The following CHRNA7 variants were observed in gnomAD, a reference collection of about 807,000 sequenced individuals.
CHRNA7 encodes the protein cholinergic receptor nicotinic alpha 7 subunit.
CHRNA7 carries 17 observed loss-of-function variants against 48.0 expected under a neutral mutation model. That is an observed-to-expected ratio of 0.35 (90% CI 0.24 to 0.53). The LOEUF (loss-of-function observed/expected upper bound fraction) is 0.53. CHRNA7 is among the 20% of genes least tolerant of loss of function. The probability of loss-of-function intolerance (pLI) is 0.92; values close to 1 mark genes in which losing one functional copy is unlikely to be tolerated. For synonymous variants in CHRNA7, 75 were observed against 242.3 expected (o/e 0.31, Z 6.41); for missense variants, 155 against 577.7 (o/e 0.27, Z 7.50).
In CHRNA7 at chr15:32,030,562, G is replaced by A. The variant is rs1050735594; in HGVS notation, c.-33G>A. The A allele has an allele frequency of 2.1e-6, 3 of 1,462,360 alleles. No individual in the cohort carries two copies. Among genetic ancestry groups the A allele is most frequent in the Non-Finnish European group, 2.7e-6 (3 of 1,113,230 alleles). The allele number at this position is 1,462,360 out of a possible 1,614,324, so 90.6% of individuals were successfully genotyped here. Reference sequence around the variant, plus strand: ...GCCCGGGCGACAGCCGAGACGTGGAGCGCGCCGGCTCGCTGCAGCTCCGGG... The same window carrying A: ...GCCCGGGCGACAGCCGAGACGTGGAACGCGCCGGCTCGCTGCAGCTCCGGG... On this transcript the variant is annotated 5_prime_UTR_variant, in exon 1 of 10. Coordinates refer to ENST00000306901, the MANE Select transcript of CHRNA7 (RefSeq NM_000746.6).
chr15:32,119,915 G>A (rs557315603), intron 4 of CHRNA7, among the ~76,000 whole-genome samples: 11 of 152,262 alleles, frequency 7.2e-5, no homozygotes, highest in South Asian at 2.1e-4. Context: ...GTGGACTGTC[G>A]CTGGCTGACT....
chr15:32,052,283 C>A (rs1247239890), intron 2 of CHRNA7, among the ~76,000 whole-genome samples: 1 of 151,534 alleles, frequency 6.6e-6, no homozygotes, highest in Non-Finnish European at 1.5e-5. Flanking sequence ...TCACTGATAG[C>A]AGAACAGAAA....
chr15:32,114,030 A>ATG (rs1555383656), intron 4 of CHRNA7, among the ~76,000 whole-genome samples: 1 of 86,832 alleles, frequency 1.2e-5, no homozygotes, highest in Non-Finnish European at 2.2e-5. Flanking sequence ...ATATATATAT[A>ATG]TATATATATA....
At chr15:32,108,796 C>T (rs1460140904) in intron 3 of CHRNA7, among the ~76,000 whole-genome samples, 1 of 152,198 alleles carries the variant, frequency 6.6e-6, no homozygotes, top group Non-Finnish European at 1.5e-5. Flanking sequence ...CTGCCAGGGC[C>T]ATATGACTTT....
chr15:32,101,209 C>G, intron 2 of CHRNA7, 94 bp from the exon 3 acceptor site: 1 of 1,341,800 alleles, frequency 7.5e-7, no homozygotes, highest in Non-Finnish European at 1.0e-6. Flanking sequence ...CACAACAACG[C>G]TCTCGACAGT....
At chr15:32,104,252 C>T (rs1269942796) in intron 3 of CHRNA7, among the ~76,000 whole-genome samples, 2 of 151,970 alleles carry the variant, frequency 1.3e-5, no homozygotes, top group African/African-American at 4.8e-5. Flanking sequence ...TTGGGTGACA[C>T]ACACGTCACC....
intron 2 of CHRNA7, among the ~76,000 whole-genome samples, chr15:32,056,884 C>A (rs1295803317): frequency 6.6e-6 from 1 of 152,152 alleles, no homozygotes; most frequent in African/African-American, 2.4e-5. Context: ...AAACATTAGG[C>A]AAATTCAATT....
At chr15:32,069,853 G>C (rs2050025550) in intron 2 of CHRNA7, among the ~76,000 whole-genome samples, 2 of 151,788 alleles carry the variant, frequency 1.3e-5, no homozygotes, top group Admixed American at 6.6e-5. Flanking sequence ...TGTGAATATT[G>C]TGTTAGCAAA....
chr15:32,102,777 A>G (rs192261056), intron 3 of CHRNA7: 8 of 152,330 alleles, frequency 5.3e-5, no homozygotes, highest in East Asian at 1.9e-4. Flanking sequence ...GTGTAGTAAC[A>G]TGAGTAGTTG....
chr15:32,122,763 A>T (rs1035343413), intron 4 of CHRNA7, among the ~76,000 whole-genome samples: 6 of 152,082 alleles, frequency 3.9e-5, no homozygotes, highest in African/African-American at 1.4e-4. Context: ...ATATTCATTT[A>T]TGCATGTGCC....
At chr15:32,119,682 T>C (rs1267919622) in intron 4 of CHRNA7, among the ~76,000 whole-genome samples, 2 of 152,124 alleles carry the variant, frequency 1.3e-5, no homozygotes, top group Admixed American at 1.3e-4. Context: ...TAGCAATTGA[T>C]TCCCATCAGG....
intron 2 of CHRNA7, among the ~76,000 whole-genome samples, chr15:32,070,390 T>C (rs2050034414): frequency 6.6e-6 from 1 of 152,122 alleles, no homozygotes; most frequent in African/African-American, 2.4e-5. Flanking sequence ...AAAAGTACTT[T>C]GTCAGATATG....
intron 2 of CHRNA7, among the ~76,000 whole-genome samples, chr15:32,097,333 A>G (rs1439268447): frequency 1.3e-5 from 2 of 152,036 alleles, no homozygotes; most frequent in Non-Finnish European, 2.9e-5. Context: ...TTCCCCCACT[A>G]AATGCATATG....
At chr15:32,113,179 C>A (rs2050791959) in intron 4 of CHRNA7, among the ~76,000 whole-genome samples, 1 of 152,168 alleles carries the variant, frequency 6.6e-6, no homozygotes, top group South Asian at 2.1e-4. Flanking sequence ...AAGGTGTTGT[C>A]AGGACTGGCT....
intron 2 of CHRNA7, among the ~76,000 whole-genome samples, chr15:32,053,861 C>T (rs528215868): frequency 2.0e-5 from 3 of 152,242 alleles, no homozygotes; most frequent in South Asian, 2.1e-4. Flanking sequence ...TGCGTCAGCT[C>T]GTAGGTGTAG....
Position 32,039,049 on chromosome 15 carries a change from T to C in CHRNA7, c.195+8012T>C, listed in dbSNP as rs147455894. Among the ~76,000 whole-genome samples, 280 of 152,316 alleles carry C rather than the reference T, an allele frequency of 1.8e-3. 1 individual carries two copies. The highest frequency in any genetic ancestry group is 6.3e-3 in the African/African-American group (260 of 41,580). On this transcript the variant is annotated intron_variant, in intron 2 of 9. Coordinates refer to ENST00000306901, the MANE Select transcript of CHRNA7 (RefSeq NM_000746.6). ...ATCTAGGTTATAAAATTTGTGAGCA[T>C]AGAATTGTTCATAGTATTTATTTGT...
intron 4 of CHRNA7, among the ~76,000 whole-genome samples, chr15:32,130,329 G>C (rs1404834785): frequency 6.6e-6 from 1 of 151,854 alleles, no homozygotes; most frequent in African/African-American, 2.4e-5. Flanking sequence ...ATTTCCATCA[G>C]TTCTGGGGTC....
intron 1 of CHRNA7, 114 bp downstream of exon 1, chr15:32,030,763 G>A (rs757997853): frequency 6.6e-7 from 1 of 1,505,826 alleles, no homozygotes; most frequent in South Asian, 1.3e-5. Context: ...CCGCCGGGGA[G>A]GGGCAGCGGG....
At chr15:32,066,543 G>A (rs1172344962) in intron 2 of CHRNA7, among the ~76,000 whole-genome samples, 1 of 152,174 alleles carries the variant, frequency 6.6e-6, no homozygotes, top group Non-Finnish European at 1.5e-5. Context: ...GCCTCCCAAA[G>A]TACTGGGATT....
Sources: gnomAD v4.1 joint callset for allele counts (sites outside exome capture counted in the v4.1 genomes callset) on GRCh38, gnomAD v4.1.1 for gene constraint, MANE v1.5 for transcripts, NCBI Gene and HGNC (gene_info 2026-07-23, HGNC 2026-07-21) for gene names.